SNX7: variants seen among roughly 807,000 people sequenced by gnomAD.
The protein encoded by SNX7 is sorting nexin 7.
Under a neutral mutation model 48.4 loss-of-function variants are expected in SNX7, and 35 were observed. The ratio of observed to expected loss-of-function variants is 0.72; its 90% CI spans 0.55 to 0.96. SNX7 has a LOEUF of 0.96. Ranked by LOEUF, SNX7 falls within the 40% of genes least tolerant of loss-of-function variation. The pLI, the probability that SNX7 is intolerant of heterozygous loss-of-function variation, is 0.00. For synonymous variants in SNX7, 190 were observed against 190.2 expected (o/e 1.00, Z 0.01); for missense variants, 553 against 548.9 (o/e 1.01, Z -0.07).
intron 1 of SNX7, among the ~76,000 whole-genome samples, chr1:98,676,865 T>G (rs1271742027): frequency 6.6e-6 from 1 of 152,244 alleles, no homozygotes; most frequent in African/African-American, 2.4e-5. Context: ...GTTCAGTGCC[T>G]GCTTAGTCAA....
intron 7 of SNX7, among the ~76,000 whole-genome samples, chr1:98,708,778 C>T (rs1652147034): frequency 6.6e-6 from 1 of 152,146 alleles, no homozygotes; most frequent in Non-Finnish European, 1.5e-5. Context: ...AAACTGTGTT[C>T]TCCTATTTAT....
At chr1:98,738,021 G>A (rs992099630) in intron 7 of SNX7, among the ~76,000 whole-genome samples, 2 of 152,116 alleles carry the variant, frequency 1.3e-5, no homozygotes, top group Non-Finnish European at 2.9e-5. Context: ...GCTAATTGGT[G>A]GCCAACCATA....
intron 7 of SNX7, among the ~76,000 whole-genome samples, chr1:98,706,196 G>A (rs948406566): frequency 1.4e-4 from 22 of 152,120 alleles, no homozygotes; most frequent in Non-Finnish European, 2.9e-4. Flanking sequence ...TAAAAAAAGA[G>A]TAAATAATTA....
chr1:98,714,828 T>C (rs1186552895), intron 7 of SNX7, among the ~76,000 whole-genome samples: 1 of 152,126 alleles, frequency 6.6e-6, no homozygotes, highest in African/African-American at 2.4e-5. Flanking sequence ...AGGCCTTGAG[T>C]TTTCTTCTGT....
chr1:98,738,183 A>C, intron 7 of SNX7, 54 bp from the exon 8 acceptor site: 2 of 1,564,152 alleles, frequency 1.3e-6, no homozygotes, highest in Admixed American at 1.8e-5. Flanking sequence ...TGATGAATTC[A>C]CCTGATGGAA....
intron 1 of SNX7, among the ~76,000 whole-genome samples, chr1:98,678,967 AC>A (rs1650326055): frequency 6.6e-6 from 1 of 152,160 alleles, no homozygotes; most frequent in Non-Finnish European, 1.5e-5. Flanking sequence ...GAAAACAAAA[AC>A]TGGGCTGGCA....
In SNX7 at chr1:98,760,031, C is replaced by T. The variant is rs1171126777; in HGVS notation, c.1279-23C>T. The T allele has an allele frequency of 1.8e-5, 26 of 1,463,372 alleles. No homozygotes were observed. The Admixed American group carries it at 2.9e-4, about 16-fold the overall frequency. 90.6% of individuals were successfully genotyped at this position (1,463,372 alleles called of 1,614,324 possible). A position where few individuals can be genotyped will look rare whatever the true frequency, so the allele number is the denominator to read the frequency against. On this transcript the variant is annotated intron_variant, in intron 8 of 8. Transcript: ENST00000306121. Reference sequence around the variant, plus strand: ...GAAAGTAAACTATTGTTGATTGCCTCATGGTGTGTTTCCATTATTCAGTGC... The same window carrying T: ...GAAAGTAAACTATTGTTGATTGCCTTATGGTGTGTTTCCATTATTCAGTGC...
intron 8 of SNX7, among the ~76,000 whole-genome samples, chr1:98,750,924 A>G (rs1198392562): frequency 6.6e-6 from 1 of 152,118 alleles, no homozygotes; most frequent in Non-Finnish European, 1.5e-5. Context: ...AGCGAGGCAT[A>G]TTTATACATT....
chr1:98,713,057 G>C (rs4536025), intron 7 of SNX7, among the ~76,000 whole-genome samples: 141,894 of 150,650 alleles, frequency 0.94, 67,174 homozygotes, highest in Non-Finnish European at 0.99. Flanking sequence ...TGCCATTGCA[G>C]TCCAGCCTGG....
upstream of SNX7, chr1:98,661,689 G>A (rs1649221516): frequency 1.7e-6 from 2 of 1,197,456 alleles, no homozygotes; most frequent in South Asian, 4.2e-5. Flanking sequence ...GGGGAGCCGG[G>A]CTGGCGGCGG....
At chr1:98,691,723 A>C (rs549344392) in intron 4 of SNX7, 24 bp downstream of exon 4, 2 of 1,557,986 alleles carry the variant, frequency 1.3e-6, no homozygotes, top group African/African-American at 2.8e-5. Flanking sequence ...ATTTATACTC[A>C]TATAATCTTT....
chr1:98,687,254 G>C (rs921280312), intron 2 of SNX7, among the ~76,000 whole-genome samples: 4 of 151,964 alleles, frequency 2.6e-5, no homozygotes, highest in African/African-American at 9.7e-5. Flanking sequence ...GCTGAGCTGG[G>C]ATTTAAATCC....
intron 7 of SNX7, among the ~76,000 whole-genome samples, chr1:98,727,976 C>T (rs2101018696): frequency 6.6e-6 from 1 of 152,122 alleles, no homozygotes; most frequent in Admixed American, 6.5e-5. Context: ...GAATATCATC[C>T]AGGAGAACTT....
intron 8 of SNX7, among the ~76,000 whole-genome samples, chr1:98,744,436 G>A (rs960669322): frequency 1.3e-5 from 2 of 151,936 alleles, no homozygotes; most frequent in Admixed American, 6.6e-5. Flanking sequence ...GTCAGTGAAA[G>A]CATATGTCAG....
At position 98,662,894 on chromosome 1, in the gene SNX7, C is replaced by G. The variant is rs1174818173; in HGVS notation, c.180+983C>G. The G allele has an allele frequency of 4.0e-6, 5 of 1,236,036 alleles. No individual in the cohort carries two copies. In the African/African-American group the frequency reaches 6.2e-5, roughly 15 times the overall value. 76.6% of individuals were successfully genotyped at this position (1,236,036 alleles called of 1,614,324 possible). On this transcript the variant is annotated intron_variant, in intron 1 of 8. Transcript: ENST00000306121. ...AAGTTAGGAAGTGACCATGCATACT[C>G]TGACTCCAAAGAGGAGTATATAAAA...
intron 7 of SNX7, among the ~76,000 whole-genome samples, chr1:98,725,978 C>G (rs1057177577): frequency 2.0e-5 from 3 of 152,134 alleles, no homozygotes; most frequent in Admixed American, 6.6e-5. Context: ...TAACATAGCT[C>G]TTTGTTTCTC....
At chr1:98,747,094 TAAAA>T (rs769007823) in intron 8 of SNX7, among the ~76,000 whole-genome samples, 19 of 152,214 alleles carry the variant, frequency 1.2e-4, no homozygotes, top group Non-Finnish European at 2.4e-4. Flanking sequence ...ACTTCTGACT[TAAAA>T]AAAGTAATTA....
intron 7 of SNX7, among the ~76,000 whole-genome samples, chr1:98,731,098 C>T (rs1218351276): frequency 6.9e-6 from 1 of 145,826 alleles, no homozygotes; most frequent in South Asian, 2.3e-4. Context: ...GTAACATATT[C>T]CCCTCTCAGG....
intron 7 of SNX7, among the ~76,000 whole-genome samples, chr1:98,732,596 T>G (rs1032298822): frequency 1.3e-5 from 2 of 152,144 alleles, no homozygotes; most frequent in Non-Finnish European, 1.5e-5. Context: ...AGCTTTCAGC[T>G]TAATTTTTTT....
Sources: allele counts gnomAD v4.1 joint callset (sites outside exome capture counted in the v4.1 genomes callset), GRCh38; gene constraint gnomAD v4.1.1; transcripts MANE v1.5; gene names NCBI Gene and HGNC (gene_info 2026-07-23, HGNC 2026-07-21).